Variants in BTBD18 observed in about 807,000 individuals in gnomAD.
The protein encoded by BTBD18 is BTB domain containing 18, also known as BTB/POZ domain-containing protein 18.
For missense variants in BTBD18, 787 were observed against 846.3 expected, an observed-to-expected ratio of 0.93 and a Z score of 0.87; for synonymous variants, 311 against 324.4, an observed-to-expected ratio of 0.96 and a Z score of 0.44.
In BTBD18 at chr11:57,745,326, C is replaced by T; in HGVS notation, c.947G>A (p.Arg316Lys). ...TGGGGTGCTCTGCAGAGGACTAGCT[C>T]TGCCTGGTTTTGGCTTGTCCTCTGG... ...ETPEDKPKPG[R>K]ASPLQSTPNP... The change falls in exon 3 of 3, where the codon AGA becomes AAA. Residue 316 changes from arginine (R) to lysine (K), a missense_variant. Transcript: ENST00000422652. The T allele has an allele frequency of 6.4e-7, 1 of 1,551,718 alleles. No individual in the cohort carries two copies. The highest frequency in any genetic ancestry group is 1.2e-5 in the South Asian group (1 of 84,066).
chr11:57,745,971 G>C lies in BTBD18; in HGVS notation c.302C>G (p.Ser101Cys). Residue 101 changes from serine (S) to cysteine (C), a missense_variant, in exon 3 of 3, where the codon TCT becomes TGT. Ser to Cys is a moderately radical substitution (Grantham distance 112). Coordinates refer to ENST00000422652, the MANE Select transcript of BTBD18 (RefSeq NM_001145101.3). ...DFLYTSEMEV[S>C]QEEAQDVLSA... ...TAGCACATCCTGGGCTTCTTCTTGA[G>C]ATACTTCCATTTCTGAGGTATACAA... 1 of 1,551,670 alleles carries C rather than the reference G, an allele frequency of 6.4e-7. No individual in the cohort carries two copies. Among genetic ancestry groups the C allele is most frequent in the Non-Finnish European group, 8.7e-7 (1 of 1,146,992 alleles).
intron 2 of BTBD18, among the ~76,000 whole-genome samples, chr11:57,747,433 G>A (rs1949217657): frequency 6.6e-6 from 1 of 152,210 alleles, no homozygotes; most frequent in Admixed American, 6.5e-5. Flanking sequence ...CCAGTTGCCT[G>A]AGCTTGAAAA....
chr11:57,750,369 T>A lies in BTBD18; in HGVS notation c.124+696A>T, dbSNP rs142661860. ...TCCAGCCTGGGAGACAGAGAGAGAC[T>A]CTGTCTCAAAAACAAAACAACAACA... On this transcript the variant is annotated intron_variant, in intron 2 of 2. Coordinates refer to ENST00000422652, the MANE Select transcript of BTBD18 (RefSeq NM_001145101.3). Among the ~76,000 whole-genome samples, 879 of 150,358 alleles carry A rather than the reference T, an allele frequency of 5.8e-3. 13 individuals are homozygous for A. Among genetic ancestry groups the A allele is most frequent in the African/African-American group, 0.021 (857 of 40,788 alleles).
Position 57,745,028 on chromosome 11 carries a change from T to A in BTBD18, c.1245A>T (p.Glu415Asp). Residue 415 changes from glutamate (E) to aspartate (D), a missense_variant, in exon 3 of 3, where the codon GAA becomes GAT. By Grantham distance (45) the Glu-to-Asp change is conservative. Coordinates refer to ENST00000422652, the MANE Select transcript of BTBD18 (RefSeq NM_001145101.3). ...TGCACATGGGGGAGTCCTGACACAG[T>A]TCTGTTCTAGTAGGTGACATTTCCT... ...NEQEMSPTRTELCQDSPMCTK... is the reference protein window; with the variant it reads ...NEQEMSPTRTDLCQDSPMCTK... 6.4e-7 allele frequency: 1 copy of A among 1,551,598 alleles called. No individual in the cohort carries two copies. The highest frequency in any genetic ancestry group is 8.7e-7 in the Non-Finnish European group (1 of 1,146,950).
Position 57,744,486 on chromosome 11 carries a change from T to C in BTBD18, c.1787A>G (p.Glu596Gly). 1 of 1,551,626 alleles carries C rather than the reference T, an allele frequency of 6.4e-7. No homozygotes were observed. The highest frequency in any genetic ancestry group is 8.7e-7 in the Non-Finnish European group (1 of 1,146,968). ...SVGGRWTPDLEITSSQPLDGQ... is the reference protein window; with the variant it reads ...SVGGRWTPDLGITSSQPLDGQ... ...ATCCAGTGGCTGGGAGCTGGTAATT[T>C]CAAGGTCTGGTGTCCAACGGCCTCC... Residue 596 changes from glutamate to glycine, a missense_variant, in exon 3 of 3, where the codon GAA becomes GGA. By Grantham distance (98) the Glu-to-Gly change is moderately conservative. Transcript: ENST00000422652.
At chr11:57,750,995 C>T (rs747576395) in intron 2 of BTBD18, 70 bp downstream of exon 2, 9 of 1,356,744 alleles carry the variant, frequency 6.6e-6, no homozygotes, top group African/African-American at 1.5e-5. Context: ...TGTCCTTTAC[C>T]CTCTGGCTCT....
upstream of BTBD18, among the ~76,000 whole-genome samples, chr11:57,752,507 A>G (rs1006898076): frequency 2.6e-5 from 4 of 151,874 alleles, no homozygotes; most frequent in African/African-American, 9.7e-5. Flanking sequence ...CCTGGGCGAC[A>G]GAGCGAGACT....
rs762521360 is a variant in BTBD18, at chr11:57,746,129, G to A, written c.144C>T (p.His48=). 1.3e-6 allele frequency: 2 copies of A among 1,548,136 alleles called. No individual in the cohort carries two copies. Among genetic ancestry groups the A allele is most frequent in the Non-Finnish European group, 1.7e-6 (2 of 1,145,346 alleles). The change falls in exon 3 of 3, where the codon CAC becomes CAT. Residue 48 remains histidine, a synonymous_variant. Transcript: ENST00000422652. The part of the protein sequence containing the change: ...LQAEGEAVPA[H]CCILSACSPF... The stretch of plus-strand genomic sequence containing the variant: ...GGCTACAAGCTGACAGGATGCAGCA[G>A]TGAGCTGGAACTGCCTCACCTGAAG...
Position 57,743,938 on chromosome 11 carries a change from C to A in BTBD18, c.*196G>T. On this transcript the variant is annotated 3_prime_UTR_variant, in exon 3 of 3. Transcript: ENST00000422652. ...GATTACAAATAAGATGGTACAAGTT[C>A]ATAATTTTCTATCTATGGTACCCTT... 1 of 533,356 alleles carries A rather than the reference C, an allele frequency of 1.9e-6. No individual in the cohort carries two copies. Among genetic ancestry groups the A allele is most frequent in the Non-Finnish European group, 3.3e-6 (1 of 300,348 alleles). The allele number at this position is 533,356 out of a possible 1,614,324, so 33.0% of individuals were successfully genotyped here.
intron 2 of BTBD18, among the ~76,000 whole-genome samples, chr11:57,748,110 C>T (rs1949232008): frequency 6.6e-6 from 1 of 152,082 alleles, no homozygotes; most frequent in Non-Finnish European, 1.5e-5. Context: ...TTTTTAGAGA[C>T]AAGGTCTCAG....
chr11:57,747,056 G>A (rs1261419151), intron 2 of BTBD18, among the ~76,000 whole-genome samples: 1 of 152,190 alleles, frequency 6.6e-6, no homozygotes, highest in Non-Finnish European at 1.5e-5. Context: ...TCACACAAGA[G>A]TTCAAAAACT....
chr11:57,748,557 AAAAAAAG>A (rs1228662519), intron 2 of BTBD18, among the ~76,000 whole-genome samples: 3 of 105,226 alleles, frequency 2.9e-5, no homozygotes, highest in African/African-American at 8.6e-5. Context: ...TCTAAAAAGA[AAAAAAAG>A]AAAAAAAAAA....
chr11:57,750,045 C>G (rs1012760587), intron 2 of BTBD18, among the ~76,000 whole-genome samples: 5 of 152,074 alleles, frequency 3.3e-5, no homozygotes, highest in Non-Finnish European at 7.4e-5. Context: ...ATTTTTAGTT[C>G]TAGCAACAAA....
In BTBD18 at chr11:57,744,782, G is replaced by A. The variant is rs1374406711; in HGVS notation, c.1491C>T (p.Ile497=). 3.2e-6 allele frequency: 5 copies of A among 1,551,708 alleles called. No homozygotes were observed. In the Admixed American group the frequency reaches 5.9e-5, roughly 18 times the overall value. Residue 497 remains isoleucine, a synonymous_variant, in exon 3 of 3, where the codon ATC becomes ATT. Coordinates refer to ENST00000422652, the MANE Select transcript of BTBD18 (RefSeq NM_001145101.3). Reference sequence around the variant, plus strand: ...CTGAGCCACAGAGCATGAAGTCCAGGATCTCCTCCAGCTCACTGGTGGCAG... The same window carrying A: ...CTGAGCCACAGAGCATGAAGTCCAGAATCTCCTCCAGCTCACTGGTGGCAG... ...SAAATSELEE[I]LDFMLCGSDI... is the part of the protein sequence containing the mutation.
intron 2 of BTBD18, among the ~76,000 whole-genome samples, chr11:57,748,124 A>G (rs569774864): frequency 5.3e-5 from 8 of 151,994 alleles, no homozygotes; most frequent in Admixed American, 2.0e-4. Context: ...GTCTCAGTAC[A>G]TTGCCTAGGC....
chr11:57,751,213 T>A lies in BTBD18; in HGVS notation c.-25A>T. On this transcript the variant is annotated 5_prime_UTR_variant, in exon 2 of 3. Transcript: ENST00000422652. ...TGTTGGCAAGAGTCTTAACAAACCT[T>A]CTAGGTTTTCACAGATCAGACTCCT... 2.6e-6 allele frequency: 4 copies of A among 1,515,016 alleles called. No homozygotes were observed. Among genetic ancestry groups the A allele is most frequent in the Non-Finnish European group, 3.5e-6 (4 of 1,130,928 alleles). The allele number at this position is 1,515,016 out of a possible 1,614,324, so 93.8% of individuals were successfully genotyped here.
rs1225017899 is a variant in BTBD18, at chr11:57,745,611, T to C, written c.662A>G (p.Asn221Ser). The change falls in exon 3 of 3, where the codon AAC becomes AGC. Residue 221 changes from asparagine (N) to serine (S), a missense_variant. Asn to Ser is a conservative substitution (Grantham distance 46, BLOSUM62 1). Coordinates refer to ENST00000422652, the MANE Select transcript of BTBD18 (RefSeq NM_001145101.3). Reference sequence around the variant, plus strand: ...TTGACTATGGCTTGATGGTGAAGAGTTTTTTTCTTGTGGAGTTGGGCAGGC... The same window carrying C: ...TTGACTATGGCTTGATGGTGAAGAGCTTTTTTCTTGTGGAGTTGGGCAGGC... ...ARACPTPQEKNSSPSSHSQEP... is the reference protein window; with the variant it reads ...ARACPTPQEKSSSPSSHSQEP... 1 of 1,551,278 alleles carries C rather than the reference T, an allele frequency of 6.4e-7. No homozygotes were observed. Among genetic ancestry groups the C allele is most frequent in the African/African-American group, 1.4e-5 (1 of 72,940 alleles).
At chr11:57,746,885 C>G (rs1949206729) in intron 2 of BTBD18, among the ~76,000 whole-genome samples, 1 of 151,438 alleles carries the variant, frequency 6.6e-6, no homozygotes, top group African/African-American at 2.4e-5. Context: ...TACTCTGTAG[C>G]TATCATGGCA....
chr11:57,746,702 G>A (rs1949201018), intron 2 of BTBD18, among the ~76,000 whole-genome samples: 1 of 150,524 alleles, frequency 6.6e-6, no homozygotes, highest in Admixed American at 6.7e-5. Context: ...TGAGTGCAGT[G>A]CCACATGCTT....
Sources: allele counts gnomAD v4.1 joint callset (sites outside exome capture counted in the v4.1 genomes callset), GRCh38; gene constraint gnomAD v4.1.1; transcripts MANE v1.5; gene names NCBI Gene and HGNC (gene_info 2026-07-23, HGNC 2026-07-21).